COL22A1: variants seen among roughly 807,000 people sequenced by gnomAD.
COL22A1 encodes the protein collagen type XXII alpha 1 chain, also known as collagen alpha-1(XXII) chain.
A neutral mutation model predicts 248.9 loss-of-function variants in COL22A1; 221 were observed. The ratio of observed to expected loss-of-function variants is 0.89; its 90% CI spans 0.80 to 0.99. The LOEUF (loss-of-function observed/expected upper bound fraction) is 0.99. COL22A1 is among the 50% of genes least tolerant of loss of function. The pLI is 0.00. For missense variants in COL22A1, 2,240 were observed against 2,179.0 expected, an observed-to-expected ratio of 1.03 and a Z score of -0.56; for synonymous variants, 891 against 793.4, an observed-to-expected ratio of 1.12 and a Z score of -2.07.
At chr8:138,833,181 T>G in intron 4 of COL22A1, 31 bp from the exon 5 acceptor site, 33 of 1,480,178 alleles carry the variant, frequency 2.2e-5, no homozygotes, top group South Asian at 3.4e-5. Flanking sequence ...GGAGTGAGTT[T>G]GGAGAAGGAA....
intron 61 of COL22A1, among the ~76,000 whole-genome samples, 181 bp from the exon 62 acceptor site, chr8:138,597,151 A>G (rs1481849115): frequency 5.3e-5 from 8 of 152,160 alleles, no homozygotes; most frequent in African/African-American, 1.7e-4. Flanking sequence ...TTATGCAGGC[A>G]GCATCATCCC....
chr8:138,639,896 A>T (rs527702452), intron 47 of COL22A1, among the ~76,000 whole-genome samples: 1 of 152,322 alleles, frequency 6.6e-6, no homozygotes, highest in South Asian at 2.1e-4. Context: ...AAGATGTGAG[A>T]AGTTTACCTT....
intron 22 of COL22A1, among the ~76,000 whole-genome samples, chr8:138,742,004 GTGATGGTGATGGTAGAGT>G (rs1831613407): frequency 4.7e-5 from 7 of 149,426 alleles, no homozygotes; most frequent in African/African-American, 1.5e-4. Context: ...GGAGTTGATG[GTGATGGTGATGGTAGAGT>G]TGATGGTGAT....
chr8:138,597,206 G>GC (rs1817616431), intron 61 of COL22A1, among the ~76,000 whole-genome samples: 1 of 152,122 alleles, frequency 6.6e-6, no homozygotes, highest in Admixed American at 6.5e-5. Context: ...AGCCACTACT[G>GC]CCCTTCCTTC....
chr8:138,851,668 C>T (rs557885969), intron 3 of COL22A1, among the ~76,000 whole-genome samples: 14 of 152,212 alleles, frequency 9.2e-5, no homozygotes, highest in Admixed American at 5.2e-4. Flanking sequence ...GAGATGGAGG[C>T]GCAAGGGGAG....
intron 10 of COL22A1, among the ~76,000 whole-genome samples, chr8:138,806,074 G>GTGTGTA (rs1817646841): frequency 9.7e-6 from 1 of 103,354 alleles, no homozygotes; most frequent in Non-Finnish European, 2.0e-5. Flanking sequence ...TGGTGTGTGT[G>GTGTGTA]ATGGTGTGTG....
intron 20 of COL22A1, 57 bp from the exon 21 acceptor site, chr8:138,755,267 C>G: frequency 6.6e-7 from 1 of 1,523,538 alleles, no homozygotes; most frequent in South Asian, 1.1e-5. Context: ...TATGATCAGG[C>G]CCACCATCAC....
At chr8:138,879,630 G>A (rs1258244739) in intron 2 of COL22A1, among the ~76,000 whole-genome samples, 1 of 140,912 alleles carries the variant, frequency 7.1e-6, no homozygotes, top group Non-Finnish European at 1.5e-5. Context: ...GGTGGAGGTT[G>A]CAGTGAGCCA....
At chr8:138,816,393 G>A (rs1248216075) in intron 7 of COL22A1, among the ~76,000 whole-genome samples, 5 of 152,162 alleles carry the variant, frequency 3.3e-5, no homozygotes, top group African/African-American at 1.2e-4. Flanking sequence ...CCCCACTCCT[G>A]TCTGGAAGTC....
chr8:138,827,628 G>A lies in COL22A1; in HGVS notation c.846-847C>T, dbSNP rs137886743. ...CTCAGGGAGGCCTCAGCTCCCTGTTGCTCCACCCCCACCAAGTCCTCGGGC... is the reference window on the plus strand; with the variant it reads ...CTCAGGGAGGCCTCAGCTCCCTGTTACTCCACCCCCACCAAGTCCTCGGGC... On this transcript the variant is annotated intron_variant, in intron 5 of 64. Transcript: ENST00000303045. Among the ~76,000 whole-genome samples, 472 of 152,058 alleles carry A rather than the reference G, an allele frequency of 3.1e-3. 2 individuals are homozygous for A. Among genetic ancestry groups the A allele is most frequent in the Non-Finnish European group, 5.0e-3 (337 of 67,960 alleles).
At chr8:138,805,517 GTATA>G (rs1406527663) in intron 10 of COL22A1, among the ~76,000 whole-genome samples, 2 of 144,952 alleles carry the variant, frequency 1.4e-5, no homozygotes, top group South Asian at 2.2e-4. Flanking sequence ...TGGTGTGTGT[GTATA>G]TGTGTGATGG....
intron 55 of COL22A1, among the ~76,000 whole-genome samples, chr8:138,615,530 C>CA (rs11329956): frequency 0.031 from 3,666 of 120,188 alleles, 155 homozygotes; most frequent in African/African-American, 0.11. Flanking sequence ...GACTCCATCT[C>CA]AAAAAAAAAA....
In COL22A1 at chr8:138,893,549, G is replaced by A. The variant is rs534220870; in HGVS notation, c.-72-10305C>T. Among the ~76,000 whole-genome samples, 4 of 152,274 alleles carry A rather than the reference G, an allele frequency of 2.6e-5. No individual in the cohort carries two copies. In the East Asian group the frequency reaches 7.7e-4, roughly 29 times the overall value. On this transcript the variant is annotated intron_variant, in intron 1 of 64. Coordinates refer to ENST00000303045, the MANE Select transcript of COL22A1 (RefSeq NM_152888.3). ...GTTTCCTCAACTATAAAATGGGAAC[G>A]ATATCCCCTACTTCAGCAAAATGTG...
chr8:138,687,424 A>G (rs148804887), intron 37 of COL22A1, among the ~76,000 whole-genome samples: 19 of 152,372 alleles, frequency 1.2e-4, no homozygotes, highest in African/African-American at 3.6e-4. Flanking sequence ...GTGTTAAATT[A>G]TGCAAAAACA....
At chr8:138,818,624 A>G (rs1818864685) in intron 7 of COL22A1, among the ~76,000 whole-genome samples, 1 of 152,150 alleles carries the variant, frequency 6.6e-6, no homozygotes, top group Admixed American at 6.5e-5. Flanking sequence ...CTCCAGGAGC[A>G]TCTCTCTCCA....
chr8:138,656,596 G>A (rs933869196), intron 44 of COL22A1, among the ~76,000 whole-genome samples: 1 of 152,014 alleles, frequency 6.6e-6, no homozygotes, highest in Non-Finnish European at 1.5e-5. Flanking sequence ...CAGCCATCCT[G>A]GAACCCAAGA....
At chr8:138,827,243 C>T (rs1819662804) in intron 5 of COL22A1, 1 of 166,210 alleles carries the variant, frequency 6.0e-6, no homozygotes, top group Non-Finnish European at 1.3e-5. Context: ...CTTCCTAAAT[C>T]CATATGTTGA....
At chr8:138,832,562 A>G (rs1028724180) in intron 5 of COL22A1, among the ~76,000 whole-genome samples, 1 of 152,180 alleles carries the variant, frequency 6.6e-6, no homozygotes, top group Non-Finnish European at 1.5e-5. Context: ...GATTGAAAAC[A>G]TGAGAAACTC....
At chr8:138,698,563 G>A (rs73435045) in intron 32 of COL22A1, among the ~76,000 whole-genome samples, 11,061 of 152,260 alleles carry the variant, frequency 0.073, 1,289 homozygotes, top group African/African-American at 0.24. Flanking sequence ...GAAAGGTAAG[G>A]GAGTTCCTCA....
Sources: allele counts gnomAD v4.1 joint callset (sites outside exome capture counted in the v4.1 genomes callset), GRCh38; gene constraint gnomAD v4.1.1; transcripts MANE v1.5; gene names NCBI Gene and HGNC (gene_info 2026-07-23, HGNC 2026-07-21).